HADH: variants seen among roughly 807,000 people sequenced by gnomAD.
The protein encoded by HADH is hydroxyacyl-coenzyme A dehydrogenase, mitochondrial.
In HADH, 24 loss-of-function variants were observed where a neutral mutation model predicts 32.2. The ratio of observed to expected loss-of-function variants is 0.75; its 90% confidence interval spans 0.54 to 1.05. The LOEUF (loss-of-function observed/expected upper bound fraction) is 1.05, where lower values mean the gene tolerates loss of function less well. Among genes scored for constraint, HADH ranks in the 50% least tolerant of loss-of-function variants. The probability of loss-of-function intolerance (pLI) is 0.00; values close to 1 mark genes in which losing one functional copy is unlikely to be tolerated. For missense variants in HADH, 350 were observed against 397.1 expected (o/e 0.88, Z 1.01); for synonymous variants, 139 against 152.5 (o/e 0.91, Z 0.65).
chr4:108,030,019 G>T, intron 6 of HADH: 1 of 152,464 alleles, frequency 6.6e-6, no homozygotes, highest in Non-Finnish European at 1.5e-5. Flanking sequence ...GGGGCCAAAT[G>T]GTCAGCTCTT....
Position 108,017,771 on chromosome 4 carries a change from A to T in HADH, c.420-1769A>T, listed in dbSNP as rs141118305. ...GGCATGTTGGCCAGGCTCGTCTCGA[A>T]CTCCTGACTTCAAGTGATCCACCTG... On this transcript the variant is annotated intron_variant, in intron 3 of 7. Transcript: ENST00000309522. Among the ~76,000 whole-genome samples, 440 of 151,766 alleles carry T rather than the reference A, an allele frequency of 2.9e-3. 3 individuals are homozygous for T. Among genetic ancestry groups the T allele is most frequent in the African/African-American group, 9.3e-3 (383 of 41,356 alleles).
chr4:108,012,100 T>C (rs1197910094), intron 2 of HADH, among the ~76,000 whole-genome samples: 1 of 152,042 alleles, frequency 6.6e-6, no homozygotes, highest in Non-Finnish European at 1.5e-5. Flanking sequence ...TTGTACTGTG[T>C]TGCCCAGGCT....
At position 108,032,727 on chromosome 4, in the gene HADH, A is replaced by G. The variant is rs529424986; in HGVS notation, c.710-449A>G. 12 of 337,048 alleles carry G rather than the reference A, an allele frequency of 3.6e-5. No homozygotes were observed. In the East Asian group the frequency reaches 8.0e-4, roughly 22 times the overall value. 20.9% of individuals were successfully genotyped at this position (337,048 alleles called of 1,614,324 possible). ...GCCACACACTGTGGCTTACACCTGT[A>G]ATCTTAGCACTTTGGGAAGCTGAGA... On this transcript the variant is annotated intron_variant, in intron 6 of 7. Coordinates refer to ENST00000309522, the MANE Select transcript of HADH (RefSeq NM_005327.7).
intron 3 of HADH, among the ~76,000 whole-genome samples, chr4:108,018,002 T>C (rs1216644373): frequency 2.0e-5 from 3 of 152,162 alleles, no homozygotes; most frequent in Non-Finnish European, 4.4e-5. Flanking sequence ...CTCCTTCTGA[T>C]AAAATGTGCC....
intron 1 of HADH, chr4:108,004,902 G>A: frequency 6.5e-7 from 1 of 1,535,726 alleles, no homozygotes; most frequent in Non-Finnish European, 8.7e-7. Context: ...CCAGCTGGGA[G>A]GCTATTGTTA....
intron 1 of HADH, among the ~76,000 whole-genome samples, chr4:107,993,914 G>A (rs1251433469): frequency 6.7e-6 from 1 of 149,408 alleles, no homozygotes; most frequent in Non-Finnish European, 1.5e-5. Context: ...TTGTTTTTTT[G>A]CTTTATAAAG....
At position 108,033,219 on chromosome 4, in the gene HADH, A is replaced by T; in HGVS notation, c.753A>T (p.Gly251=). The T allele has an allele frequency of 6.2e-7, 1 of 1,611,092 alleles. No homozygotes were observed. The highest frequency in any genetic ancestry group is 2.2e-5 in the East Asian group (1 of 44,860). Residue 251 remains glycine, a synonymous_variant, in exon 7 of 8, where the codon GGA becomes GGT. Transcript: ENST00000309522. The part of the protein sequence containing the change: ...KEDIDTAMKL[G]AGYPMGPFEL... ...ACATTGACACTGCTATGAAATTAGG[A>T]GCCGGTTACCCCATGGGCCCATTTG...
intron 3 of HADH, 107 bp from the exon 4 acceptor site, chr4:108,019,433 C>A: frequency 2.1e-6 from 2 of 962,970 alleles, no homozygotes; most frequent in Non-Finnish European, 3.4e-6. Context: ...TGGGTCAGGA[C>A]AACAGATGTG....
chr4:108,004,968 A>G, intron 1 of HADH: 4 of 1,343,214 alleles, frequency 3.0e-6, no homozygotes, highest in Non-Finnish European at 4.1e-6. Context: ...ACTAAAAGGA[A>G]TGTTAAACGA....
At chr4:108,033,444 G>T in intron 7 of HADH, 152 bp downstream of exon 7, 1 of 691,936 alleles carries the variant, frequency 1.4e-6, no homozygotes, top group Non-Finnish European at 2.6e-6. Flanking sequence ...CAGATGTCAG[G>T]AGAAGGAAGA....
intron 3 of HADH, among the ~76,000 whole-genome samples, chr4:108,016,055 G>A (rs781026909): frequency 1.3e-5 from 2 of 152,118 alleles, no homozygotes; most frequent in African/African-American, 2.4e-5. Flanking sequence ...TTCAATCGAA[G>A]TACTCTTGGG....
intron 3 of HADH, among the ~76,000 whole-genome samples, chr4:108,016,080 A>G (rs1179287531): frequency 6.6e-6 from 1 of 152,104 alleles, no homozygotes; most frequent in African/African-American, 2.4e-5. Flanking sequence ...TTAAAGGAGC[A>G]TTGACTTCTT....
chr4:108,031,076 G>A (rs1031921981), intron 6 of HADH: 5 of 152,194 alleles, frequency 3.3e-5, no homozygotes, highest in African/African-American at 1.2e-4. Context: ...TTCATTAAAT[G>A]GCTTTAGCTG....
At position 108,027,764 on chromosome 4, in the gene HADH, T is replaced by C; in HGVS notation, c.709+4T>C. On this transcript the variant is annotated splice_donor_region_variant and intron_variant, in intron 6 of 7. Coordinates refer to ENST00000309522, the MANE Select transcript of HADH (RefSeq NM_005327.7). The stretch of plus-strand genomic sequence containing the variant: ...GCAATCAGGCTGTATGAACGAGGTA[T>C]CCTTCTGACCCAGGCCAGGAGCAGC... The C allele has an allele frequency of 6.3e-7, 1 of 1,578,518 alleles. No individual in the cohort carries two copies. The highest frequency in any genetic ancestry group is 8.7e-7 in the Non-Finnish European group (1 of 1,147,544).
At chr4:108,027,800 TCCTGGCG>T in intron 6 of HADH, 40 bp downstream of exon 6, 2 of 1,164,038 alleles carry the variant, frequency 1.7e-6, no homozygotes, top group Non-Finnish European at 2.6e-6. Context: ...AGACCTCAGC[TCCTGGCG>T]CCACTGTCTG....
intron 6 of HADH, chr4:108,029,932 T>C (rs1365567295): frequency 2.0e-5 from 3 of 152,324 alleles, no homozygotes; most frequent in Non-Finnish European, 1.5e-5. Flanking sequence ...GGACAGAGGC[T>C]GGATAGGCTG....
intron 2 of HADH, among the ~76,000 whole-genome samples, chr4:108,011,338 T>C (rs1735487827): frequency 2.6e-5 from 4 of 152,322 alleles, no homozygotes; most frequent in Admixed American, 2.0e-4. Flanking sequence ...TAGCTCCACA[T>C]GGCTGGGAAG....
intron 5 of HADH, chr4:108,026,049 T>C (rs992056365): frequency 6.6e-6 from 1 of 152,208 alleles, no homozygotes; most frequent in African/African-American, 2.4e-5. Context: ...TTATTTATTT[T>C]TTTATTTTTC....
In HADH at chr4:108,033,176, G is replaced by T. The variant is rs555557385; in HGVS notation, c.710G>T (p.Gly237Val). 1 of 1,537,112 alleles carries T rather than the reference G, an allele frequency of 6.5e-7. No individual in the cohort carries two copies. Among genetic ancestry groups the T allele is most frequent in the Admixed American group, 1.7e-5 (1 of 59,904 alleles). Residue 237 changes from glycine to valine, a missense_variant and splice_region_variant, in exon 7 of 8, where the codon GGT (glycine) becomes GTT (valine). Transcript: ENST00000309522. ...LMEAIRLYER[G>V]DASKEDIDTA... ...CCCAGTGCTGCCGTTTTCTCCTTAG[G>T]TGACGCATCCAAAGAAGACATTGAC...
Sources: gnomAD v4.1 joint callset for allele counts (sites outside exome capture counted in the v4.1 genomes callset) on GRCh38, gnomAD v4.1.1 for gene constraint, MANE v1.5 for transcripts, NCBI Gene and HGNC (gene_info 2026-07-23, HGNC 2026-07-21) for gene names.